Variants in HOMER2 observed in about 807,000 individuals in gnomAD.
The protein encoded by HOMER2 is homer scaffold protein 2.
In HOMER2, 27 loss-of-function variants were observed where a neutral mutation model predicts 47.0. The ratio of observed to expected loss-of-function variants is 0.57; its 90% CI spans 0.42 to 0.79. HOMER2 has a LOEUF of 0.79. Ranked by LOEUF, HOMER2 falls within the 30% of genes least tolerant of loss-of-function variation. HOMER2 has a pLI of 0.00. For synonymous variants in HOMER2, 161 were observed against 163.8 expected (o/e 0.98, Z 0.13); for missense variants, 443 against 435.0 (o/e 1.02, Z -0.16).
chr15:82,940,913 A>C (rs1019297404), intron 1 of HOMER2, among the ~76,000 whole-genome samples: 21 of 151,112 alleles, frequency 1.4e-4, no homozygotes, highest in Non-Finnish European at 2.4e-4. Flanking sequence ...AAAAAATCTA[A>C]CTCTCACCCC....
Position 82,952,409 on chromosome 15 carries a change from C to A in HOMER2, c.5+122G>T, listed in dbSNP as rs1053285713. 4 of 684,888 alleles carry A rather than the reference C, an allele frequency of 5.8e-6. No homozygotes were observed. The Admixed American group carries it at 1.5e-4, about 25-fold the overall frequency. The allele number at this position is 684,888 out of a possible 1,614,324, so 42.4% of individuals were successfully genotyped here. On this transcript the variant is annotated intron_variant, in intron 1 of 8. Transcript: ENST00000450735. ...GACTCCCGGGCGCAGAGTGTGCGCT[C>A]GCTCCGGCTTGGGGAGGCGGGGGCC...
intron 1 of HOMER2, among the ~76,000 whole-genome samples, chr15:82,924,352 T>C (rs2053805520): frequency 6.7e-6 from 1 of 148,184 alleles, no homozygotes; most frequent in Non-Finnish European, 1.5e-5. Flanking sequence ...GGCCCATGTG[T>C]GCTGGCCCTT....
intron 1 of HOMER2, among the ~76,000 whole-genome samples, chr15:82,964,215 C>T (rs935069998): frequency 6.6e-6 from 1 of 152,218 alleles, no homozygotes; most frequent in Non-Finnish European, 1.5e-5. Context: ...CCTCCTGATA[C>T]AGGCTTGCCG....
intron 1 of HOMER2, among the ~76,000 whole-genome samples, chr15:82,901,354 A>G (rs1445359085): frequency 1.2e-4 from 19 of 152,186 alleles, no homozygotes; most frequent in Non-Finnish European, 4.4e-5. Flanking sequence ...ATAGGTAAAC[A>G]TTACGGCGGC....
At chr15:82,915,574 A>G (rs528269113) in intron 1 of HOMER2, among the ~76,000 whole-genome samples, 2 of 151,934 alleles carry the variant, frequency 1.3e-5, no homozygotes, top group Non-Finnish European at 2.9e-5. Flanking sequence ...TTTGCCGGGC[A>G]TGGTGGCACG....
intron 1 of HOMER2, among the ~76,000 whole-genome samples, chr15:82,893,748 A>G (rs925446372): frequency 1.3e-5 from 2 of 151,816 alleles, no homozygotes; most frequent in African/African-American, 4.8e-5. Flanking sequence ...CAGCCTCCCA[A>G]GTAGCTAGGA....
Position 82,859,054 on chromosome 15 carries a change from T to G in HOMER2, c.469A>C (p.Lys157Gln). 6.2e-7 allele frequency: 1 copy of G among 1,613,984 alleles called. No homozygotes were observed. The change falls in exon 5 of 9, where the codon AAG becomes CAG. Residue 157 changes from lysine to glutamine, a missense_variant. By Grantham distance (53) the Lys-to-Gln change is moderately conservative (BLOSUM62 1). Transcript: ENST00000450735. Reference protein sequence around the residue: ...ANTHLKSENDKLKIALTQSAA... With the variant: ...ANTHLKSENDQLKIALTQSAA... ...CTCTGCGTCAAGGCAATCTTCAGCT[T>G]GTCATTCTCAGACTTCAGGTGTGTG... is the stretch of plus-strand genomic sequence containing the variant.
intron 1 of HOMER2, among the ~76,000 whole-genome samples, chr15:82,914,427 T>C (rs1478875085): frequency 6.7e-6 from 1 of 148,166 alleles, no homozygotes; most frequent in Non-Finnish European, 1.5e-5. Context: ...ACAACATGGA[T>C]GAACTTTGGA....
At chr15:82,917,354 G>T (rs1202466081) in intron 1 of HOMER2, among the ~76,000 whole-genome samples, 4 of 152,232 alleles carry the variant, frequency 2.6e-5, no homozygotes, top group African/African-American at 9.6e-5. Context: ...TAGGATCCCA[G>T]CCACAAGTGA....
rs922166901 is a variant in HOMER2 at position 82,849,859 on chromosome 15, G to A, written c.888C>T (p.Ser296=). The change falls in exon 9 of 9, where the codon TCC becomes TCT. Residue 296 remains serine, a synonymous_variant. Coordinates refer to ENST00000450735, the MANE Select transcript of HOMER2 (RefSeq NM_004839.4). Reference sequence around the variant, plus strand: ...TGCTCTCCTCAATGTCTGTCTTTAAGGAACGCACTTTGTCTTCCAGGTTTT... The same window carrying A: ...TGCTCTCCTCAATGTCTGTCTTTAAAGAACGCACTTTGTCTTCCAGGTTTT... ...DNQNLEDKVR[S]LKTDIEESKY... 2 of 1,613,982 alleles carry A rather than the reference G, an allele frequency of 1.2e-6. No homozygotes were observed. Among genetic ancestry groups the A allele is most frequent in the African/African-American group, 2.7e-5 (2 of 75,052 alleles).
intron 5 of HOMER2, among the ~76,000 whole-genome samples, chr15:82,855,217 T>G (rs1354097428): frequency 6.9e-6 from 1 of 145,806 alleles, no homozygotes; most frequent in Non-Finnish European, 1.5e-5. Context: ...TCTCAGCTAC[T>G]CAGGAGGCTG....
chr15:82,904,898 T>A (rs2053242930), intron 1 of HOMER2, among the ~76,000 whole-genome samples: 1 of 151,914 alleles, frequency 6.6e-6, no homozygotes, highest in African/African-American at 2.4e-5. Flanking sequence ...AGTAAAAAAA[T>A]AAAATAAAAA....
chr15:82,846,116 A>T (rs2051243889), downstream of HOMER2: 1 of 152,376 alleles, frequency 6.6e-6, no homozygotes, highest in African/African-American at 2.4e-5. Flanking sequence ...GAAAGCCAGA[A>T]AGGAGTGCAT....
exon 2 of HOMER2, chr15:82,838,673 T>C (rs897439599): frequency 2.0e-5 from 3 of 151,812 alleles, no homozygotes; most frequent in African/African-American, 7.3e-5. Context: ...CAGACGTGAA[T>C]CCCCTCCCCT....
intron 1 of HOMER2, among the ~76,000 whole-genome samples, chr15:82,934,512 G>A (rs1279334549): frequency 3.3e-5 from 5 of 149,400 alleles, no homozygotes; most frequent in Non-Finnish European, 4.5e-5. Flanking sequence ...CCAGTTCCCC[G>A]CACATGCATT....
chr15:82,849,758 T>C lies in HOMER2; in HGVS notation c.989A>G (p.His330Arg), dbSNP rs1400719513. 1.1e-5 allele frequency: 18 copies of C among 1,613,782 alleles called. 1 individual carries two copies. The South Asian group carries it at 1.3e-4, about 12-fold the overall frequency. ...EVLDGKIDDLHDFRRGLSKLG... is the reference protein window; with the variant it reads ...EVLDGKIDDLRDFRRGLSKLG... ...CTTGGAGAGCCCTCGGCGGAAGTCA[T>C]GCAGGTCGTCAATCTTCCCGTCCAG... The change falls in exon 9 of 9, where the codon CAT (histidine) becomes CGT (arginine). Residue 330 changes from histidine to arginine, a missense_variant. Coordinates refer to ENST00000450735, the MANE Select transcript of HOMER2 (RefSeq NM_004839.4).
chr15:82,854,155 G>A (rs1281918614), intron 6 of HOMER2, among the ~76,000 whole-genome samples: 1 of 152,188 alleles, frequency 6.6e-6, no homozygotes, highest in Non-Finnish European at 1.5e-5. Context: ...CTGTAATCCT[G>A]GCACTTCAGG....
intron 1 of HOMER2, among the ~76,000 whole-genome samples, chr15:82,924,667 C>A (rs2053814820): frequency 2.0e-5 from 3 of 152,180 alleles, no homozygotes; most frequent in Non-Finnish European, 4.4e-5. Context: ...CTCAGCAGAA[C>A]CTTGGAAAAG....
intron 1 of HOMER2, among the ~76,000 whole-genome samples, chr15:82,899,657 G>C (rs1391513902): frequency 1.3e-5 from 2 of 152,182 alleles, no homozygotes; most frequent in Non-Finnish European, 2.9e-5. Context: ...AATTCAGTAA[G>C]GTGGCTAGGT....
Sources: gnomAD v4.1 joint callset for allele counts (sites outside exome capture counted in the v4.1 genomes callset) on GRCh38, gnomAD v4.1.1 for gene constraint, MANE v1.5 for transcripts, NCBI Gene and HGNC (gene_info 2026-07-23, HGNC 2026-07-21) for gene names.